The following KSR2 variants were observed in gnomAD, a reference collection of about 807,000 sequenced individuals.
KSR2 encodes the protein kinase suppressor of ras 2.
Under a neutral mutation model 107.8 loss-of-function variants are expected in KSR2, and 25 were observed. The ratio of observed to expected loss-of-function variants is 0.23; its 90% CI spans 0.17 to 0.32. The LOEUF (loss-of-function observed/expected upper bound fraction) is 0.32. KSR2 is among the 10% of genes least tolerant of loss of function. The pLI, the probability that KSR2 is intolerant of heterozygous loss-of-function variation, is 1.00. For missense variants in KSR2, 887 were observed against 1,268.9 expected (o/e 0.70, Z 4.57); for synonymous variants, 480 against 507.0 (o/e 0.95, Z 0.71).
At chr12:117,572,721 AAAG>A (rs1239116581) in intron 7 of KSR2, among the ~76,000 whole-genome samples, 1 of 151,808 alleles carries the variant, frequency 6.6e-6, no homozygotes, top group Non-Finnish European at 1.5e-5. Context: ...AAAAAAGAGA[AAAG>A]AAAAAGGAAA....
chr12:117,902,313 C>A (rs1206736431), intron 1 of KSR2, among the ~76,000 whole-genome samples: 1 of 151,780 alleles, frequency 6.6e-6, no homozygotes, highest in Non-Finnish European at 1.5e-5. Context: ...CAAAAATTAG[C>A]TGGGCGTGGT....
chr12:117,759,999 C>T (rs1369396379), intron 4 of KSR2, among the ~76,000 whole-genome samples: 1 of 152,188 alleles, frequency 6.6e-6, no homozygotes, highest in African/African-American at 2.4e-5. Flanking sequence ...GTCCCAGCTA[C>T]TTGGGAGGCT....
At chr12:117,738,633 G>C (rs1029881474) in intron 4 of KSR2, among the ~76,000 whole-genome samples, 1 of 151,914 alleles carries the variant, frequency 6.6e-6, no homozygotes, top group Non-Finnish European at 1.5e-5. Flanking sequence ...CCAGCACTTT[G>C]GGAGGCTGAG....
rs376902515 is a variant in KSR2, at chr12:117,667,528, C to T, written c.1117G>A (p.Ala373Thr). 301 of 1,612,512 alleles carry T rather than the reference C, an allele frequency of 1.9e-4. No homozygotes were observed. The highest frequency in any genetic ancestry group is 4.9e-4 in the East Asian group (22 of 44,828). The change falls in exon 5 of 20, where the codon GCA (alanine) becomes ACA (threonine). Residue 373 changes from alanine to threonine, a missense_variant. Ala to Thr is a moderately conservative substitution (Grantham distance 58, BLOSUM62 0). This residue lies in a region of KSR2 where 399 missense variants were observed against 479.5 expected (regional missense o/e 0.83). Transcript: ENST00000339824. Reference protein sequence around the residue: ...RSLRSFFVGHAPFLPSTPPVH... With the variant: ...RSLRSFFVGHTPFLPSTPPVH... Reference sequence around the variant, plus strand: ...GGAGGGGTGGAAGGCAGGAAAGGTGCGTGTCCCACAAAGAAGGAGCGGAGG... The same window carrying T: ...GGAGGGGTGGAAGGCAGGAAAGGTGTGTGTCCCACAAAGAAGGAGCGGAGG...
At chr12:117,695,795 A>C (rs1385085879) in intron 4 of KSR2, among the ~76,000 whole-genome samples, 1 of 152,156 alleles carries the variant, frequency 6.6e-6, no homozygotes, top group African/African-American at 2.4e-5. Context: ...TCTGATAATG[A>C]AGACCTGAAA....
In KSR2 at chr12:117,464,537, C is replaced by CA. The variant is rs1871058931; in HGVS notation, c.*2661dup. On this transcript the variant is annotated 3_prime_UTR_variant, in exon 20 of 20. Transcript: ENST00000339824. ...ATATAACCTCCTCCCAAAACCTCATCAGCGAATAAAGATGGAAGCCAGCAG... is the reference window on the plus strand; with the variant it reads ...ATATAACCTCCTCCCAAAACCTCATCAAGCGAATAAAGATGGAAGCCAGCAG... 6.6e-6 allele frequency: 1 copy of CA among 152,154 alleles called. No homozygotes were observed. Among genetic ancestry groups the CA allele is most frequent in the Non-Finnish European group, 1.5e-5 (1 of 68,054 alleles). The allele number at this position is 152,154 out of a possible 1,614,324, so 9.4% of individuals were successfully genotyped here.
chr12:117,877,487 G>A (rs1373159149), intron 1 of KSR2, among the ~76,000 whole-genome samples: 7 of 151,998 alleles, frequency 4.6e-5, no homozygotes, highest in African/African-American at 1.5e-4. Context: ...TGTTAATAAC[G>A]CTGTTACTGA....
At chr12:117,639,629 G>GTATTATTATTATTATTATTATTATTAT (rs5801245) in intron 5 of KSR2, among the ~76,000 whole-genome samples, 1 of 137,878 alleles carries the variant, frequency 7.3e-6, no homozygotes, top group African/African-American at 2.7e-5. Flanking sequence ...CGCACCCAGC[G>GTATTATTATTATTATTATTATTATTAT]TATTATTATT....
At chr12:117,781,061 G>C (rs1301981130) in intron 3 of KSR2, among the ~76,000 whole-genome samples, 1 of 152,100 alleles carries the variant, frequency 6.6e-6, no homozygotes, top group African/African-American at 2.4e-5. Context: ...TAAATCATGG[G>C]GGCAAGTATT....
At chr12:117,757,222 G>C (rs1888828932) in intron 4 of KSR2, among the ~76,000 whole-genome samples, 2 of 152,184 alleles carry the variant, frequency 1.3e-5, no homozygotes, top group Non-Finnish European at 2.9e-5. Context: ...TTCAATGGAG[G>C]AAGTAACTGC....
At chr12:117,555,343 T>C (rs1255168618) in intron 8 of KSR2, 50 bp from the exon 9 acceptor site, 2 of 1,606,266 alleles carry the variant, frequency 1.2e-6, no homozygotes, top group Non-Finnish European at 1.7e-6. Context: ...ACTTTGTCTT[T>C]GGTTATGCCA....
chr12:117,718,553 C>G (rs1411506026), intron 4 of KSR2, among the ~76,000 whole-genome samples: 1 of 152,148 alleles, frequency 6.6e-6, no homozygotes, highest in East Asian at 1.9e-4. Context: ...TCAGGCAGAC[C>G]ATGAGGTTGG....
chr12:117,769,447 A>T, intron 3 of KSR2, among the ~76,000 whole-genome samples: 1 of 152,210 alleles, frequency 6.6e-6, no homozygotes, highest in East Asian at 1.9e-4. Flanking sequence ...AACTGAAAGA[A>T]CAAGAGTTAA....
At chr12:117,827,034 C>CAAAAAAA (rs58583797) in intron 3 of KSR2, among the ~76,000 whole-genome samples, 47 of 103,532 alleles carry the variant, frequency 4.5e-4, no homozygotes, top group African/African-American at 1.4e-3. Flanking sequence ...GACCCTGTCT[C>CAAAAAAA]AAAAAAAAAA....
intron 3 of KSR2, among the ~76,000 whole-genome samples, chr12:117,794,563 A>T (rs987806198): frequency 6.8e-6 from 1 of 148,086 alleles, no homozygotes; most frequent in Admixed American, 6.7e-5. Context: ...ACATGCACAC[A>T]CACCAACATG....
chr12:117,480,601 C>T (rs1167380672), intron 16 of KSR2, among the ~76,000 whole-genome samples: 2 of 151,896 alleles, frequency 1.3e-5, no homozygotes, highest in African/African-American at 2.4e-5. Context: ...GGCTTGGTGG[C>T]GGGGGGGTCT....
chr12:117,743,742 C>A (rs1888305545), intron 4 of KSR2, among the ~76,000 whole-genome samples: 1 of 152,180 alleles, frequency 6.6e-6, no homozygotes, highest in African/African-American at 2.4e-5. Context: ...CACTCTCCTA[C>A]TTTTCTGTCA....
chr12:117,889,797 C>A (rs1894285707), intron 1 of KSR2: 1 of 152,226 alleles, frequency 6.6e-6, no homozygotes, highest in South Asian at 2.1e-4. Context: ...TTGGTTGTCA[C>A]AACTTGGAAG....
chr12:117,473,295 G>A (rs1871590242), intron 17 of KSR2, among the ~76,000 whole-genome samples: 1 of 152,126 alleles, frequency 6.6e-6, no homozygotes, highest in Non-Finnish European at 1.5e-5. Flanking sequence ...CATGCTGCCT[G>A]AATAATAACA....
Sources: allele counts gnomAD v4.1 joint callset (sites outside exome capture counted in the v4.1 genomes callset), GRCh38; gene constraint gnomAD v4.1.1; regional missense constraint gnomAD v4.1.1; transcripts MANE v1.5; gene names NCBI Gene and HGNC (gene_info 2026-07-23, HGNC 2026-07-21).